NDUFS1: variants seen among roughly 807,000 people sequenced by gnomAD.
The protein encoded by NDUFS1 is NADH-ubiquinone oxidoreductase 75 kDa subunit, mitochondrial.
In NDUFS1, 61 loss-of-function variants were observed where a neutral mutation model predicts 84.4. That is an observed-to-expected ratio of 0.72 (90% CI 0.59 to 0.89). NDUFS1 has a LOEUF of 0.89. Among genes scored for constraint, NDUFS1 ranks in the 40% least tolerant of loss-of-function variants. The probability of loss-of-function intolerance (pLI) is 0.00; values close to 1 mark genes in which losing one functional copy is unlikely to be tolerated. For missense variants in NDUFS1, 891 were observed against 890.0 expected (o/e 1.00, Z -0.01); for synonymous variants, 275 against 290.0 (o/e 0.95, Z 0.53).
intron 13 of NDUFS1, among the ~76,000 whole-genome samples, chr2:206,134,616 T>C (rs1307081522): frequency 2.0e-5 from 3 of 149,040 alleles, no homozygotes; most frequent in Non-Finnish European, 4.5e-5. Context: ...AAAGAAAACA[T>C]GATTAAATAC....
At chr2:206,128,412 C>T (rs1036615185) in intron 15 of NDUFS1, among the ~76,000 whole-genome samples, 4 of 151,568 alleles carry the variant, frequency 2.6e-5, no homozygotes, top group African/African-American at 7.2e-5. Context: ...GTGATCCACC[C>T]GCCTCAGCCT....
At chr2:206,139,858 T>C (rs1389067057) in intron 12 of NDUFS1, among the ~76,000 whole-genome samples, 1 of 129,534 alleles carries the variant, frequency 7.7e-6, no homozygotes, top group Non-Finnish European at 1.6e-5. Flanking sequence ...AGAAAATAAC[T>C]GGCTTGTGTT....
intron 1 of NDUFS1, among the ~76,000 whole-genome samples, chr2:206,156,107 C>CA (rs1687640277): frequency 3.3e-5 from 5 of 151,074 alleles, no homozygotes; most frequent in Admixed American, 1.3e-4. Context: ...ACTAAAAATA[C>CA]AAAAAAATAG....
chr2:206,155,710 G>A (rs1177543072), intron 1 of NDUFS1, among the ~76,000 whole-genome samples: 2 of 151,510 alleles, frequency 1.3e-5, no homozygotes, highest in Non-Finnish European at 2.9e-5. Flanking sequence ...GAGCCAATAC[G>A]CCTGGCCAAT....
At chr2:206,125,564 A>G (rs895253657) in intron 18 of NDUFS1, among the ~76,000 whole-genome samples, 1 of 151,960 alleles carries the variant, frequency 6.6e-6, no homozygotes, top group African/African-American at 2.4e-5. Context: ...TGTATAATGC[A>G]TATGTATGTC....
At chr2:206,144,770 T>A in intron 9 of NDUFS1, 122 bp downstream of exon 9, 1 of 1,003,962 alleles carries the variant, frequency 1.0e-6, no homozygotes, top group Non-Finnish European at 1.5e-6. Flanking sequence ...TATAAGCAAC[T>A]CAGATTCCAG....
chr2:206,147,678 A>G lies in NDUFS1; in HGVS notation c.421-17T>C. ...GGACTGGTCCTTAAGTAGATTATGA[A>G]AGAGTCAATCTCATGCTGCTAATAA... On this transcript the variant is annotated splice_polypyrimidine_tract_variant and intron_variant, in intron 6 of 18. Coordinates refer to ENST00000233190, the MANE Select transcript of NDUFS1 (RefSeq NM_005006.7). The G allele has an allele frequency of 6.2e-7, 1 of 1,614,132 alleles. No homozygotes were observed. The highest frequency in any genetic ancestry group is 8.5e-7 in the Non-Finnish European group (1 of 1,180,028).
chr2:206,126,873 C>T (rs1691315116), intron 16 of NDUFS1, 29 bp from the exon 17 acceptor site: 2 of 1,613,052 alleles, frequency 1.2e-6, no homozygotes, highest in Admixed American at 3.3e-5. Flanking sequence ...CCAAAAACAA[C>T]AAAAAGCTTT....
Position 206,116,028 on chromosome 2 carries a change from C to T in NDUFS1, c.*8157G>A. 2 of 800,482 alleles carry T rather than the reference C, an allele frequency of 2.5e-6. No homozygotes were observed. Among genetic ancestry groups the T allele is most frequent in the South Asian group, 2.7e-5 (2 of 73,678 alleles). The allele number at this position is 800,482 out of a possible 1,614,324, so 49.6% of individuals were successfully genotyped here. ...ATGGGTAATGCTAAAAGTTGCTATTCTAAGTCTTCTATCCACCACTAATTT... is the reference window on the plus strand; with the variant it reads ...ATGGGTAATGCTAAAAGTTGCTATTTTAAGTCTTCTATCCACCACTAATTT... On this transcript the variant is annotated 3_prime_UTR_variant, in exon 19 of 19. Coordinates refer to ENST00000233190, the MANE Select transcript of NDUFS1 (RefSeq NM_005006.7).
chr2:206,142,812 T>C lies in NDUFS1; in HGVS notation c.1007A>G (p.Lys336Arg). The change falls in exon 11 of 19, where the codon AAA becomes AGA. Residue 336 changes from lysine (K) to arginine (R), a missense_variant. By Grantham distance (26) the Lys-to-Arg change is conservative (BLOSUM62 2). Coordinates refer to ENST00000233190, the MANE Select transcript of NDUFS1 (RefSeq NM_005006.7). ...GCCACCTGCAATTGCTGCCACATCT[T>C]TGCCTTGAAAACTCTGCAACTAGAA... ...VAGMLQSFQGKDVAAIAGGLV... is the reference protein window; with the variant it reads ...VAGMLQSFQGRDVAAIAGGLV... The C allele has an allele frequency of 1.9e-6, 3 of 1,614,164 alleles. No homozygotes were observed. Among genetic ancestry groups the C allele is most frequent in the South Asian group, 1.1e-5 (1 of 91,084 alleles).
intron 1 of NDUFS1, among the ~76,000 whole-genome samples, chr2:206,156,256 C>CT (rs1265849890): frequency 9.1e-6 from 1 of 109,542 alleles, no homozygotes; most frequent in African/African-American, 4.2e-5. Context: ...GAGCAACACT[C>CT]TGTCTCAAAA....
In NDUFS1 at chr2:206,149,851, C is replaced by A; in HGVS notation, c.228G>T (p.Arg76Ser). The change falls in exon 4 of 19, where the codon AGG becomes AGT. Residue 76 changes from arginine (R) to serine (S), a missense_variant. By Grantham distance (110) the Arg-to-Ser change is moderately radical. Coordinates refer to ENST00000233190, the MANE Select transcript of NDUFS1 (RefSeq NM_005006.7). ...CTTTCTCAATTTCAACAAGGCACAT[C>A]CTGCAGTTTCCAGCAACAGACAACC... ...HERLSVAGNC[R>S]MCLVEIEKAP... The A allele has an allele frequency of 6.2e-7, 1 of 1,610,828 alleles. No individual in the cohort carries two copies. Among genetic ancestry groups the A allele is most frequent in the Non-Finnish European group, 8.5e-7 (1 of 1,179,310 alleles).
chr2:206,138,439 A>G (rs758702945), intron 13 of NDUFS1, 46 bp downstream of exon 13: 6 of 1,581,788 alleles, frequency 3.8e-6, no homozygotes, highest in Non-Finnish European at 5.2e-6. Flanking sequence ...TTTAAATAAT[A>G]ATAATTAAAA....
chr2:206,158,594 G>C (rs1378140975), intron 1 of NDUFS1, among the ~76,000 whole-genome samples: 1 of 152,204 alleles, frequency 6.6e-6, no homozygotes, highest in Non-Finnish European at 1.5e-5. Flanking sequence ...TGCTCTGGCA[G>C]CCTTAAGTCG....
At chr2:206,132,369 A>C (rs1691546160) in intron 14 of NDUFS1, among the ~76,000 whole-genome samples, 2 of 152,156 alleles carry the variant, frequency 1.3e-5, no homozygotes, top group Admixed American at 1.3e-4. Flanking sequence ...GTATCGCCTG[A>C]GCCCAGGAGT....
chr2:206,148,145 G>A (rs966030281), intron 5 of NDUFS1, among the ~76,000 whole-genome samples: 6 of 151,938 alleles, frequency 3.9e-5, no homozygotes, highest in African/African-American at 7.2e-5. Flanking sequence ...GGCTGGTCTC[G>A]AACTCCTGAC....
In NDUFS1 at chr2:206,144,071, C is replaced by T. The variant is rs1350282711; in HGVS notation, c.934G>A (p.Gly312Arg). ...TCCCAAGAAGTATAGGTTAAAAGCC[C>T]TTTTTCATTTCTGACCATTGGCTCG... The part of the protein sequence containing the change: ...LTEPMVRNEK[G>R]LLTYTSWEDA... The change falls in exon 10 of 19, where the codon GGG becomes AGG. Residue 312 changes from glycine (G) to arginine (R), a missense_variant. Physicochemically the swap from Gly to Arg is moderately radical, Grantham distance 125. Coordinates refer to ENST00000233190, the MANE Select transcript of NDUFS1 (RefSeq NM_005006.7). 2.5e-6 allele frequency: 4 copies of T among 1,613,894 alleles called. No individual in the cohort carries two copies. The African/African-American group carries it at 4.0e-5, about 16-fold the overall frequency.
rs1484424036 is a variant in NDUFS1 at position 206,119,181 on chromosome 2, C to T, written c.*5004G>A. 2.0e-5 allele frequency: 3 copies of T among 152,178 alleles called. No homozygotes were observed. Among genetic ancestry groups the T allele is most frequent in the Non-Finnish European group, 4.4e-5 (3 of 68,038 alleles). 9.4% of individuals were successfully genotyped at this position (152,178 alleles called of 1,614,324 possible). On this transcript the variant is annotated 3_prime_UTR_variant, in exon 19 of 19. Transcript: ENST00000233190. ...CCTCATAGTCTATGAAATTTTCCTA[C>T]AATGATCATCCTCAGTTAGCACATG... is the stretch of plus-strand genomic sequence containing the variant.
At chr2:206,152,703 C>CTTTT (rs71034411) in intron 2 of NDUFS1, among the ~76,000 whole-genome samples, 193 bp from the exon 3 acceptor site, 1 of 121,278 alleles carries the variant, frequency 8.2e-6, no homozygotes, top group Non-Finnish European at 1.7e-5. Context: ...CTTTCTTCTT[C>CTTTT]TTTTTTTTTT....
Sources: allele counts gnomAD v4.1 joint callset (sites outside exome capture counted in the v4.1 genomes callset), GRCh38; gene constraint gnomAD v4.1.1; transcripts MANE v1.5; gene names NCBI Gene and HGNC (gene_info 2026-07-23, HGNC 2026-07-21).